SPOUT1: variants seen among roughly 807,000 people sequenced by gnomAD.
The protein encoded by SPOUT1 is 28S rRNA (uridine-N(3))-methyltransferase.
Under a neutral mutation model 54.8 loss-of-function variants are expected in SPOUT1, and 40 were observed. That is an observed-to-expected ratio of 0.73 (90% CI 0.57 to 0.95). SPOUT1 has a LOEUF of 0.95. Ranked by LOEUF, SPOUT1 falls within the 40% of genes least tolerant of loss-of-function variation. The pLI, the probability that SPOUT1 is intolerant of heterozygous loss-of-function variation, is 0.00. For synonymous variants in SPOUT1, 193 were observed against 200.3 expected, an observed-to-expected ratio of 0.96 and a Z score of 0.31; for missense variants, 437 against 499.5, an observed-to-expected ratio of 0.87 and a Z score of 1.19.
At position 128,826,694 on chromosome 9, in the gene SPOUT1, G is replaced by A. The variant is rs758492256; in HGVS notation, c.369-65C>T. ...CCCCTTCAAGAGCTCCTGTCTACAA[G>A]TGCACGCGTATAATCCCAGCTACTC... On this transcript the variant is annotated intron_variant, in intron 4 of 11. Coordinates refer to ENST00000361256, the MANE Select transcript of SPOUT1 (RefSeq NM_016390.4). This position sits in a 1 kb window ranked among gnomAD's most constrained non-coding sequence, Gnocchi z 5.5. The A allele has an allele frequency of 1.3e-5, 15 of 1,164,204 alleles. No individual in the cohort carries two copies. Among genetic ancestry groups the A allele is most frequent in the Non-Finnish European group, 1.8e-5 (15 of 816,926 alleles). The allele number at this position is 1,164,204 out of a possible 1,614,324, so 72.1% of individuals were successfully genotyped here.
Position 128,822,720 on chromosome 9 carries a change from T to C in SPOUT1, c.*45A>G. 1.3e-6 allele frequency: 2 copies of C among 1,556,302 alleles called. No homozygotes were observed. The highest frequency in any genetic ancestry group is 1.7e-6 in the Non-Finnish European group (2 of 1,149,184). ...CGTCCCAAGTGACCTGCAGAGCCCCTGGTTTCACTGCTGCTTCACTGATGT... is the reference window on the plus strand; with the variant it reads ...CGTCCCAAGTGACCTGCAGAGCCCCCGGTTTCACTGCTGCTTCACTGATGT... On this transcript the variant is annotated 3_prime_UTR_variant, in exon 12 of 12. Coordinates refer to ENST00000361256, the MANE Select transcript of SPOUT1 (RefSeq NM_016390.4).
chr9:128,822,132 A>C lies in SPOUT1; in HGVS notation c.*633T>G. The stretch of plus-strand genomic sequence containing the variant: ...ACCCAGTGTTGGGCATAAGGAAAAC[A>C]GAGGGAAAGAGTTAACCACCCTGGA... On this transcript the variant is annotated 3_prime_UTR_variant, in exon 12 of 12. Coordinates refer to ENST00000361256, the MANE Select transcript of SPOUT1 (RefSeq NM_016390.4). 1 of 634,480 alleles carries C rather than the reference A, an allele frequency of 1.6e-6. No individual in the cohort carries two copies. Among genetic ancestry groups the C allele is most frequent in the Non-Finnish European group, 2.7e-6 (1 of 370,016 alleles). The allele number at this position is 634,480 out of a possible 1,614,324, so 39.3% of individuals were successfully genotyped here.
At chr9:128,823,684 C>G in intron 11 of SPOUT1, 63 bp downstream of exon 11, 2 of 1,468,086 alleles carry the variant, frequency 1.4e-6, no homozygotes, top group Non-Finnish European at 1.9e-6. Flanking sequence ...AAGAGTAGCA[C>G]CCGCCCCTCG....
Position 128,824,163 on chromosome 9 carries a change from C to T in SPOUT1, c.823G>A (p.Ala275Thr). The part of the protein sequence containing the change: ...RLASCLSAVF[A>T]EAPFQDGYDL... ...TACCCATCTTGGAAGGGGGCCTCAGCAAACACAGCACCTGGGGGTGGGGCC... is the reference window on the plus strand; with the variant it reads ...TACCCATCTTGGAAGGGGGCCTCAGTAAACACAGCACCTGGGGGTGGGGCC... Residue 275 changes from alanine (A) to threonine (T), a missense_variant, in exon 10 of 12, where the codon GCT (alanine) becomes ACT (threonine). By Grantham distance (58) the Ala-to-Thr change is moderately conservative (BLOSUM62 0). Transcript: ENST00000361256. 3 of 1,611,162 alleles carry T rather than the reference C, an allele frequency of 1.9e-6. No individual in the cohort carries two copies. The highest frequency in any genetic ancestry group is 2.5e-6 in the Non-Finnish European group (3 of 1,178,002).
rs1226156770 is a variant in SPOUT1 at position 128,824,808 on chromosome 9, G to C, written c.774C>G (p.Leu258=). The C allele has an allele frequency of 1.2e-6, 2 of 1,614,104 alleles. No individual in the cohort carries two copies. Among genetic ancestry groups the C allele is most frequent in the South Asian group, 2.2e-5 (2 of 91,084 alleles). ...SSQDPRTKAG[L]YWGYTVRLAS... ...CCAGTCGGACGGTGTAGCCCCAGTAGAGACCAGCTTTGGTGCGAGGGTCCT... is the reference window on the plus strand; with the variant it reads ...CCAGTCGGACGGTGTAGCCCCAGTACAGACCAGCTTTGGTGCGAGGGTCCT... The change falls in exon 9 of 12, where the codon CTC becomes CTG. Residue 258 remains leucine, a synonymous_variant. Transcript: ENST00000361256.
At chr9:128,824,389 G>A (rs1830196900) in intron 9 of SPOUT1, among the ~76,000 whole-genome samples, 2 of 151,904 alleles carry the variant, frequency 1.3e-5, no homozygotes, top group African/African-American at 4.8e-5. Flanking sequence ...GCAGGGGTGG[G>A]TAGAGCTGTT....
chr9:128,826,951 G>C lies in SPOUT1; in HGVS notation c.368+81C>G, dbSNP rs1006872981. 7.1e-7 allele frequency: 1 copy of C among 1,402,024 alleles called. No individual in the cohort carries two copies. Among genetic ancestry groups the C allele is most frequent in the East Asian group, 2.3e-5 (1 of 43,658 alleles). 86.8% of individuals were successfully genotyped at this position (1,402,024 alleles called of 1,614,324 possible). ...CGAGGGAAGAGCCAGGCATGTGGACGGGGCCATGGTGAAGCCTCGGCCCAT... is the reference window on the plus strand; with the variant it reads ...CGAGGGAAGAGCCAGGCATGTGGACCGGGCCATGGTGAAGCCTCGGCCCAT... On this transcript the variant is annotated intron_variant, in intron 4 of 11. Transcript: ENST00000361256. The surrounding 1 kb of genome is among the most constrained non-coding windows in gnomAD (Gnocchi z 5.5).
rs1351697871 is a variant in SPOUT1 at position 128,826,552 on chromosome 9, A to G, written c.446T>C (p.Leu149Pro). The G allele has an allele frequency of 5.0e-6, 8 of 1,610,160 alleles. No individual in the cohort carries two copies. The highest frequency in any genetic ancestry group is 6.8e-6 in the Non-Finnish European group (8 of 1,177,608). ...CVQLARILQYLECPQYLRKAF... is the reference protein window; with the variant it reads ...CVQLARILQYPECPQYLRKAF... ...GTGACCCCCTTACTGTGGACACTCCAGGTACTGCAGGATCCGGGCCAGCTG... is the reference window on the plus strand; with the variant it reads ...GTGACCCCCTTACTGTGGACACTCCGGGTACTGCAGGATCCGGGCCAGCTG... Residue 149 changes from leucine (L) to proline (P), a missense_variant, in exon 5 of 12, where the codon CTG becomes CCG. Transcript: ENST00000361256. This position sits in a 1 kb window ranked among gnomAD's most constrained non-coding sequence, Gnocchi z 5.5.
Position 128,826,325 on chromosome 9 carries a change from G to A in SPOUT1, c.508+59C>T. On this transcript the variant is annotated intron_variant, in intron 6 of 11. Coordinates refer to ENST00000361256, the MANE Select transcript of SPOUT1 (RefSeq NM_016390.4). The surrounding 1 kb of genome is among the most constrained non-coding windows in gnomAD (Gnocchi z 5.5). ...GGACAGCGCAGGGTAGGACTGGGTG[G>A]TCTCAGTGTCTGTGGCATGATCCAG... 6 of 1,589,084 alleles carry A rather than the reference G, an allele frequency of 3.8e-6. No homozygotes were observed. The highest frequency in any genetic ancestry group is 5.2e-6 in the Non-Finnish European group (6 of 1,157,278).
At position 128,826,516 on chromosome 9, in the gene SPOUT1, T is replaced by C. The variant is rs1432492291; in HGVS notation, c.458+24A>G. ...TCCACTTTGACACACCCCTCCCTCATGCTTAGGGGAGTGACCCCCTTACTG... is the reference window on the plus strand; with the variant it reads ...TCCACTTTGACACACCCCTCCCTCACGCTTAGGGGAGTGACCCCCTTACTG... On this transcript the variant is annotated intron_variant, in intron 5 of 11. Transcript: ENST00000361256. The surrounding 1 kb of genome is among the most constrained non-coding windows in gnomAD (Gnocchi z 5.5). 2.5e-6 allele frequency: 4 copies of C among 1,609,750 alleles called. No individual in the cohort carries two copies. Among genetic ancestry groups the C allele is most frequent in the Non-Finnish European group, 3.4e-6 (4 of 1,176,310 alleles).
intron 2 of SPOUT1, 72 bp from the exon 3 acceptor site, chr9:128,828,932 G>A: frequency 6.3e-7 from 1 of 1,599,446 alleles, no homozygotes; most frequent in South Asian, 1.1e-5. Flanking sequence ...ACTCTGGAGA[G>A]CTGCTGGGTG....
At chr9:128,829,647 G>T in intron 1 of SPOUT1, 98 bp downstream of exon 1, 1 of 918,962 alleles carries the variant, frequency 1.1e-6, no homozygotes, top group Non-Finnish European at 1.7e-6. Context: ...GAAGCAGGCA[G>T]CAGGAGGCGC....
intron 2 of SPOUT1, 100 bp downstream of exon 2, chr9:128,829,010 G>T: frequency 6.7e-7 from 1 of 1,498,674 alleles, no homozygotes; most frequent in Non-Finnish European, 9.3e-7. Flanking sequence ...TTTGTGTGCT[G>T]CAGGACCCAG....
rs137971010 is a variant in SPOUT1 at position 128,821,199 on chromosome 9, C to T, written c.*1566G>A. The T allele has an allele frequency of 4.1e-4, 126 of 305,120 alleles. No homozygotes were observed. Among genetic ancestry groups the T allele is most frequent in the South Asian group, 1.1e-3 (32 of 29,110 alleles). The allele number at this position is 305,120 out of a possible 1,614,324, so 18.9% of individuals were successfully genotyped here. A position where few individuals can be genotyped will look rare whatever the true frequency, so the allele number is the denominator to read the frequency against. On this transcript the variant is annotated 3_prime_UTR_variant, in exon 12 of 12. Coordinates refer to ENST00000361256, the MANE Select transcript of SPOUT1 (RefSeq NM_016390.4). ...GCACCAAGCTCTCCCACCTTCCCCCCGCAGGTCTGCAGTGCACCAAGCTCT... is the reference window on the plus strand; with the variant it reads ...GCACCAAGCTCTCCCACCTTCCCCCTGCAGGTCTGCAGTGCACCAAGCTCT...
chr9:128,829,625 TG>T, intron 1 of SPOUT1, 119 bp downstream of exon 1: 2 of 776,720 alleles, frequency 2.6e-6, no homozygotes, highest in Non-Finnish European at 4.1e-6. Context: ...GCTTCCGGCC[TG>T]GGATCAGCGG....
chr9:128,823,733 G>A lies in SPOUT1; in HGVS notation c.1062+14C>T, dbSNP rs1241348961. 5 of 1,591,762 alleles carry A rather than the reference G, an allele frequency of 3.1e-6. No homozygotes were observed. Among genetic ancestry groups the A allele is most frequent in the African/African-American group, 1.3e-5 (1 of 74,726 alleles). ...GCCCCAGTGGCTGGCAGTCGGGGAG[G>A]CAGGCGGGCTCACCTCCGTGCGGAT... is the stretch of plus-strand genomic sequence containing the variant. On this transcript the variant is annotated intron_variant, in intron 11 of 11. Transcript: ENST00000361256.
chr9:128,825,905 T>C, intron 7 of SPOUT1, 117 bp downstream of exon 7: 1 of 1,343,398 alleles, frequency 7.4e-7, no homozygotes, highest in Non-Finnish European at 1.0e-6. Context: ...CTGGCCCAAA[T>C]TTGCATCAGT....
Position 128,826,630 on chromosome 9 carries a change from C to A in SPOUT1, c.369-1G>T. 7.7e-6 allele frequency: 12 copies of A among 1,561,484 alleles called. No individual in the cohort carries two copies. Among genetic ancestry groups the A allele is most frequent in the South Asian group, 1.2e-5 (1 of 82,034 alleles). On this transcript the variant is annotated splice_acceptor_variant, in intron 4 of 11. Transcript: ENST00000361256. LOFTEE classifies it high-confidence loss of function. The surrounding 1 kb of genome is among the most constrained non-coding windows in gnomAD (Gnocchi z 5.5). Reference sequence around the variant, plus strand: ...TCCTGTGAATTCCCCCTCCACAGTCCTGGAGAGAGAGAGATGGGGGCTCAG... The same window carrying A: ...TCCTGTGAATTCCCCCTCCACAGTCATGGAGAGAGAGAGATGGGGGCTCAG...
Position 128,820,656 on chromosome 9 carries a change from T to C in SPOUT1, c.*2109A>G. 8.7e-7 allele frequency: 1 copy of C among 1,144,486 alleles called. No homozygotes were observed. The highest frequency in any genetic ancestry group is 1.3e-6 in the Non-Finnish European group (1 of 780,014). The allele number at this position is 1,144,486 out of a possible 1,614,324, so 70.9% of individuals were successfully genotyped here. Reference sequence around the variant, plus strand: ...CACTGGATATCTCTGAGCCTGTCCATCCCCTCAGGACCTGGGGCGGCCCTC... The same window carrying C: ...CACTGGATATCTCTGAGCCTGTCCACCCCCTCAGGACCTGGGGCGGCCCTC... On this transcript the variant is annotated 3_prime_UTR_variant, in exon 12 of 12. Coordinates refer to ENST00000361256, the MANE Select transcript of SPOUT1 (RefSeq NM_016390.4).
Sources: gnomAD v4.1 joint callset for allele counts (sites outside exome capture counted in the v4.1 genomes callset) on GRCh38, gnomAD v4.1.1 for gene constraint, Gnocchi (gnomAD v3.1) non-coding constraint, MANE v1.5 for transcripts, NCBI Gene and HGNC (gene_info 2026-07-23, HGNC 2026-07-21) for gene names.